Variants in SCAI observed in about 807,000 individuals in gnomAD.
SCAI encodes the protein protein SCAI.
Under a neutral mutation model 92.2 loss-of-function variants are expected in SCAI, and 24 were observed. The ratio of observed to expected loss-of-function variants is 0.26; its 90% CI spans 0.19 to 0.37. SCAI has a LOEUF of 0.37. SCAI is among the 10% of genes least tolerant of loss of function. The pLI is 1.00. For synonymous variants in SCAI, 261 were observed against 258.6 expected, an observed-to-expected ratio of 1.01 and a Z score of -0.09; for missense variants, 450 against 736.2, an observed-to-expected ratio of 0.61 and a Z score of 4.50.
intron 14 of SCAI, among the ~76,000 whole-genome samples, chr9:124,987,857 G>C (rs1054866244): frequency 6.6e-6 from 1 of 152,072 alleles, no homozygotes; most frequent in African/African-American, 2.4e-5. Flanking sequence ...CAGCTACTTG[G>C]GAGGCTAAGG....
At chr9:125,010,148 G>A (rs1407456685) in intron 9 of SCAI, among the ~76,000 whole-genome samples, 2 of 152,216 alleles carry the variant, frequency 1.3e-5, no homozygotes, top group Admixed American at 1.3e-4. Flanking sequence ...TGAGGTACCG[G>A]GTTCATCTCA....
At chr9:125,033,083 A>C (rs937930637) in intron 3 of SCAI, among the ~76,000 whole-genome samples, 4 of 146,048 alleles carry the variant, frequency 2.7e-5, no homozygotes, top group African/African-American at 9.9e-5. Context: ...ACTGAATAAA[A>C]GTAATAAGGA....
intron 2 of SCAI, chr9:125,065,963 AT>A: frequency 1.3e-6 from 1 of 758,684 alleles, no homozygotes; most frequent in Non-Finnish European, 2.4e-6. Context: ...AAGGATATGT[AT>A]TTTAAAACTA....
intron 3 of SCAI, 26 bp from the exon 4 acceptor site, chr9:125,029,765 A>C: frequency 7.6e-7 from 1 of 1,323,844 alleles, no homozygotes; most frequent in South Asian, 1.3e-5. Flanking sequence ...AGTATGTATT[A>C]ATATTAAACT....
intron 3 of SCAI, among the ~76,000 whole-genome samples, chr9:125,039,681 C>T (rs537396288): frequency 2.0e-5 from 3 of 152,180 alleles, no homozygotes; most frequent in Admixed American, 6.5e-5. Flanking sequence ...TGTGGCCTCT[C>T]TCAAATGTCC....
chr9:125,050,903 C>G (rs536026623), intron 3 of SCAI, among the ~76,000 whole-genome samples: 4 of 152,134 alleles, frequency 2.6e-5, no homozygotes, highest in African/African-American at 9.6e-5. Context: ...AAAAAGAAAA[C>G]AATACGGCTG....
At chr9:125,137,522 T>C (rs1413576692) in intron 2 of SCAI, among the ~76,000 whole-genome samples, 2 of 152,220 alleles carry the variant, frequency 1.3e-5, no homozygotes, top group Non-Finnish European at 2.9e-5. Context: ...GAGAGCCATA[T>C]ACCAAAACCA....
intron 2 of SCAI, among the ~76,000 whole-genome samples, chr9:125,126,594 G>A (rs1399026162): frequency 1.3e-5 from 2 of 151,288 alleles, no homozygotes; most frequent in African/African-American, 4.9e-5. Context: ...GTGTGTGAGA[G>A]AGAGAGAGAG....
chr9:125,135,983 A>C (rs1434127685), intron 2 of SCAI, among the ~76,000 whole-genome samples: 5 of 151,740 alleles, frequency 3.3e-5, no homozygotes, highest in Admixed American at 6.6e-5. Flanking sequence ...AAAAAAAAAA[A>C]AACAAAAAAA....
At chr9:125,125,909 TACACACACACACACAC>T (rs10554292) in intron 2 of SCAI, among the ~76,000 whole-genome samples, 9 of 137,908 alleles carry the variant, frequency 6.5e-5, no homozygotes, top group Non-Finnish European at 9.3e-5. Context: ...TGCGTACACG[TACACACACACACACAC>T]ACACACACAC....
At chr9:125,141,793 C>G (rs1165965189) in intron 2 of SCAI, among the ~76,000 whole-genome samples, 1 of 152,198 alleles carries the variant, frequency 6.6e-6, no homozygotes, top group Non-Finnish European at 1.5e-5. Flanking sequence ...TATTTGGCCT[C>G]TCTGTGTCGC....
At chr9:125,143,071 T>C (rs1588262657) in intron 1 of SCAI, among the ~76,000 whole-genome samples, 1 of 46,138 alleles carries the variant, frequency 2.2e-5, no homozygotes, top group Non-Finnish European at 4.2e-5. Flanking sequence ...ACGCCCCGCC[T>C]CTCCGGGCCC....
chr9:125,029,131 C>T (rs1465332440), intron 4 of SCAI, among the ~76,000 whole-genome samples: 1 of 151,658 alleles, frequency 6.6e-6, no homozygotes, highest in East Asian at 1.9e-4. Flanking sequence ...TATTTATTTA[C>T]TTTTTTGAGA....
At chr9:125,077,605 CTTG>C (rs911615079) in intron 2 of SCAI, among the ~76,000 whole-genome samples, 1 of 152,184 alleles carries the variant, frequency 6.6e-6, no homozygotes, top group African/African-American at 2.4e-5. Flanking sequence ...CTCAACAACA[CTTG>C]TTATTATCTG....
At chr9:124,968,135 T>C (rs114125669) in intron 17 of SCAI, among the ~76,000 whole-genome samples, 2,795 of 152,208 alleles carry the variant, frequency 0.018, 87 homozygotes, top group African/African-American at 0.062. Flanking sequence ...TCAAAACTTG[T>C]GGGCAAGGTA....
intron 2 of SCAI, among the ~76,000 whole-genome samples, chr9:125,078,420 C>G (rs889152272): frequency 2.6e-5 from 4 of 151,958 alleles, no homozygotes; most frequent in African/African-American, 9.7e-5. Context: ...CCCAGCTACT[C>G]GGGAGGCTGA....
At chr9:125,113,131 T>A (rs1013751439) in intron 2 of SCAI, among the ~76,000 whole-genome samples, 2 of 152,066 alleles carry the variant, frequency 1.3e-5, no homozygotes, top group Non-Finnish European at 2.9e-5. Context: ...TTCCAAAGAG[T>A]ACAGTATGAA....
chr9:125,078,669 G>A (rs972344875), intron 2 of SCAI, among the ~76,000 whole-genome samples: 35 of 151,878 alleles, frequency 2.3e-4, no homozygotes, highest in Non-Finnish European at 4.0e-4. Flanking sequence ...TAATCCCAGC[G>A]CTTTGAGAGG....
At chr9:125,082,218 G>T (rs559290795) in intron 2 of SCAI, among the ~76,000 whole-genome samples, 21 of 152,280 alleles carry the variant, frequency 1.4e-4, no homozygotes, top group African/African-American at 5.1e-4. Context: ...GTACAGCTTG[G>T]GCTGTTGCTT....
Sources: gnomAD v4.1 joint callset for allele counts (sites outside exome capture counted in the v4.1 genomes callset) on GRCh38, gnomAD v4.1.1 for gene constraint, MANE v1.5 for transcripts, NCBI Gene and HGNC (gene_info 2026-07-23, HGNC 2026-07-21) for gene names.